Variants in RALYL observed in about 807,000 individuals in gnomAD.
RALYL encodes the protein RALY RNA binding protein like.
In RALYL, 29 loss-of-function variants were observed where a neutral mutation model predicts 35.1. The ratio of observed to expected loss-of-function variants is 0.83; its 90% CI spans 0.61 to 1.13. RALYL has a LOEUF of 1.13. Ranked by LOEUF, RALYL falls within the 50% of genes most tolerant of loss-of-function variation. RALYL has a pLI of 0.00. For synonymous variants in RALYL, 120 were observed against 127.6 expected, an observed-to-expected ratio of 0.94 and a Z score of 0.40; for missense variants, 359 against 360.4, an observed-to-expected ratio of 1.00 and a Z score of 0.03.
At chr8:84,598,035 T>C (rs997507465) in intron 2 of RALYL, among the ~76,000 whole-genome samples, 1 of 152,180 alleles carries the variant, frequency 6.6e-6, no homozygotes, top group Non-Finnish European at 1.5e-5. Context: ...CTCTGCTATC[T>C]GAGCCCTATT....
At chr8:84,615,570 C>G (rs1417277254) in intron 2 of RALYL, among the ~76,000 whole-genome samples, 1 of 67,392 alleles carries the variant, frequency 1.5e-5, no homozygotes, top group South Asian at 6.1e-4. Flanking sequence ...GAACTTTCGT[C>G]TTTTTTTTTT....
At chr8:84,470,164 C>T (rs1419283679) in intron 1 of RALYL, among the ~76,000 whole-genome samples, 3 of 152,152 alleles carry the variant, frequency 2.0e-5, no homozygotes, top group South Asian at 2.1e-4. Flanking sequence ...TGGCTCCTCC[C>T]TCCAAAACAA....
chr8:84,422,076 G>A (rs1323618544), intron 1 of RALYL, among the ~76,000 whole-genome samples: 1 of 151,646 alleles, frequency 6.6e-6, no homozygotes, highest in African/African-American at 2.4e-5. Context: ...ATGAGTTAGG[G>A]AGGATTCCCT....
At chr8:84,753,986 G>A (rs1810723938) in intron 2 of RALYL, among the ~76,000 whole-genome samples, 1 of 151,790 alleles carries the variant, frequency 6.6e-6, no homozygotes, top group African/African-American at 2.4e-5. Context: ...TGATGGGGTT[G>A]TTTGTTTTTT....
At chr8:84,676,327 G>T (rs1219748811) in intron 2 of RALYL, among the ~76,000 whole-genome samples, 1 of 152,178 alleles carries the variant, frequency 6.6e-6, no homozygotes, top group East Asian at 1.9e-4. Context: ...CTGAGATTTT[G>T]CAGATGTCCA....
chr8:84,830,032 T>A (rs569707300), intron 4 of RALYL, among the ~76,000 whole-genome samples: 1 of 142,420 alleles, frequency 7.0e-6, no homozygotes, highest in African/African-American at 2.6e-5. Context: ...GGGGGGGGCA[T>A]TTTAAGCTGC....
intron 1 of RALYL, among the ~76,000 whole-genome samples, chr8:84,190,823 C>CT (rs1586041039): frequency 6.6e-6 from 1 of 151,686 alleles, no homozygotes; most frequent in Non-Finnish European, 1.5e-5. Flanking sequence ...CATTAAAACT[C>CT]TTTAAGTGGG....
At chr8:84,556,763 T>A (rs1057122795) in intron 2 of RALYL, among the ~76,000 whole-genome samples, 1 of 152,152 alleles carries the variant, frequency 6.6e-6, no homozygotes, top group South Asian at 2.1e-4. Flanking sequence ...CCACTCTGTT[T>A]CTACTCTTTT....
chr8:84,249,749 T>C (rs1491558), intron 1 of RALYL, among the ~76,000 whole-genome samples: 4,130 of 152,134 alleles, frequency 0.027, 69 homozygotes, highest in African/African-American at 0.034. Context: ...TTAGAGAGTA[T>C]ATATTCTACT....
intron 1 of RALYL, among the ~76,000 whole-genome samples, chr8:84,507,703 G>A (rs2134345706): frequency 6.6e-6 from 1 of 152,284 alleles, no homozygotes; most frequent in South Asian, 2.1e-4. Context: ...GTTTGGCACT[G>A]AGAAGATCTC....
Position 84,377,135 on chromosome 8 carries a change from G to A in RALYL, c.-23-152164G>A, listed in dbSNP as rs372616611. On this transcript the variant is annotated intron_variant, in intron 1 of 8. Transcript: ENST00000521268. Reference sequence around the variant, plus strand: ...GAATAATTATTAAAAAATTTTACATGTATCAATGGATTCCAGACTCCATAT... The same window carrying A: ...GAATAATTATTAAAAAATTTTACATATATCAATGGATTCCAGACTCCATAT... Among the ~76,000 whole-genome samples the A allele has an allele frequency of 1.3e-4, 20 of 151,866 alleles. 2 individuals are homozygous for A. In the South Asian group the frequency reaches 3.3e-3, roughly 25 times the overall value.
intron 1 of RALYL, among the ~76,000 whole-genome samples, chr8:84,484,691 A>G (rs1262755078): frequency 6.6e-6 from 1 of 152,200 alleles, no homozygotes; most frequent in Non-Finnish European, 1.5e-5. Context: ...TTTTTACAAC[A>G]GTTAAACTCC....
intron 4 of RALYL, among the ~76,000 whole-genome samples, chr8:84,841,380 C>T (rs1158563210): frequency 6.6e-6 from 1 of 152,126 alleles, no homozygotes; most frequent in Non-Finnish European, 1.5e-5. Context: ...AAGGCCATTA[C>T]ATAATGGTAA....
At chr8:84,805,051 A>C (rs528696726) in intron 4 of RALYL, among the ~76,000 whole-genome samples, 21 of 152,352 alleles carry the variant, frequency 1.4e-4, no homozygotes, top group Non-Finnish European at 2.5e-4. Flanking sequence ...CAAGGTACAC[A>C]GTGATCATCC....
chr8:84,635,923 T>C (rs1450019246), intron 2 of RALYL, among the ~76,000 whole-genome samples: 1 of 151,822 alleles, frequency 6.6e-6, no homozygotes, highest in Non-Finnish European at 1.5e-5. Context: ...GTTTTCTTAA[T>C]CTGAACATAA....
At chr8:84,755,322 G>T (rs1221336551) in intron 2 of RALYL, among the ~76,000 whole-genome samples, 1 of 152,148 alleles carries the variant, frequency 6.6e-6, no homozygotes, top group East Asian at 1.9e-4. Flanking sequence ...CCCGATATCA[G>T]TGTTGTCTGC....
intron 3 of RALYL, among the ~76,000 whole-genome samples, chr8:84,795,173 G>C (rs986148037): frequency 6.6e-6 from 1 of 152,192 alleles, no homozygotes; most frequent in Non-Finnish European, 1.5e-5. Context: ...TTCTATATAG[G>C]AAAATCCCAT....
chr8:84,821,275 A>C (rs1371899238), intron 4 of RALYL, among the ~76,000 whole-genome samples: 1 of 152,202 alleles, frequency 6.6e-6, no homozygotes, highest in East Asian at 1.9e-4. Flanking sequence ...CAAAATAGAT[A>C]TCATCATTCA....
At chr8:84,666,376 A>T (rs756599893) in intron 2 of RALYL, among the ~76,000 whole-genome samples, 19 of 152,036 alleles carry the variant, frequency 1.2e-4, no homozygotes, top group Admixed American at 1.1e-3. Flanking sequence ...GTATACAGGC[A>T]CACACACAAA....
Sources: gnomAD v4.1 joint callset for allele counts (sites outside exome capture counted in the v4.1 genomes callset) on GRCh38, gnomAD v4.1.1 for gene constraint, MANE v1.5 for transcripts, NCBI Gene and HGNC (gene_info 2026-07-23, HGNC 2026-07-21) for gene names.